Variants in PRR14L observed in about 807,000 individuals in gnomAD.
The protein encoded by PRR14L is protein PRR14L.
PRR14L carries 80 observed loss-of-function variants against 155.0 expected under a neutral mutation model. The ratio of observed to expected loss-of-function variants is 0.52; its 90% CI spans 0.43 to 0.62. The LOEUF (loss-of-function observed/expected upper bound fraction) is 0.62, where lower values mean the gene tolerates loss of function less well. PRR14L is among the 20% of genes least tolerant of loss of function. The pLI is 0.00. For synonymous variants in PRR14L, 883 were observed against 916.0 expected, an observed-to-expected ratio of 0.96 and a Z score of 0.65; for missense variants, 2,469 against 2,548.0, an observed-to-expected ratio of 0.97 and a Z score of 0.67.
intron 5 of PRR14L, among the ~76,000 whole-genome samples, 190 bp from the exon 6 acceptor site, chr22:31,703,911 C>T (rs910877838): frequency 3.3e-5 from 5 of 151,956 alleles, no homozygotes; most frequent in Admixed American, 2.0e-4. Flanking sequence ...AATTCTCCTG[C>T]CTCAGCCCCT....
At chr22:31,689,944 G>A (rs1415468460) in intron 7 of PRR14L, among the ~76,000 whole-genome samples, 1 of 150,196 alleles carries the variant, frequency 6.7e-6, no homozygotes, top group Non-Finnish European at 1.5e-5. Context: ...TTGAGATGGA[G>A]TCTTGCTCTG....
intron 3 of PRR14L, among the ~76,000 whole-genome samples, chr22:31,722,954 T>C (rs1259087560): frequency 1.3e-5 from 2 of 152,198 alleles, no homozygotes; most frequent in South Asian, 2.1e-4. Context: ...ATCAAATCCA[T>C]GGTGATGGCA....
At chr22:31,733,805 G>A (rs115381476) in intron 2 of PRR14L, among the ~76,000 whole-genome samples, 5 of 151,998 alleles carry the variant, frequency 3.3e-5, no homozygotes, top group African/African-American at 9.6e-5. Context: ...GTCAAAAAGC[G>A]ACACCCTTAA....
chr22:31,708,215 A>C lies in PRR14L; in HGVS notation c.5757-3489T>G, dbSNP rs16989409. 8.7e-3 allele frequency among the ~76,000 whole-genome samples: 1,322 copies of C among 152,236 alleles called. 18 individuals are homozygous for C. Among genetic ancestry groups the C allele is most frequent in the African/African-American group, 0.029 (1,209 of 41,554 alleles). ...ACTTGTAACAGCAATTCATCTTTCA[A>C]TTCTAGTCAGCAATGTTCATGTTCT... On this transcript the variant is annotated intron_variant, in intron 4 of 8. Coordinates refer to ENST00000327423, the MANE Select transcript of PRR14L (RefSeq NM_173566.3).
rs747588484 is a variant in PRR14L, at chr22:31,728,609, GA to G, written c.475-3000del. Among the ~76,000 whole-genome samples, 245 of 94,380 alleles carry G rather than the reference GA, an allele frequency of 2.6e-3. 1 individual carries two copies. In the East Asian group the frequency reaches 0.044, roughly 17 times the overall value. 61.9% of individuals were successfully genotyped at this position (94,380 alleles called of 152,430 possible). ...GCCTGGGTGACAGAGACTTCATCTC[GA>G]AAAAAAAAAAAAAACGTATACTACG... On this transcript the variant is annotated intron_variant, in intron 2 of 8. Coordinates refer to ENST00000327423, the MANE Select transcript of PRR14L (RefSeq NM_173566.3).
At chr22:31,733,924 A>C (rs369131960) in intron 2 of PRR14L, among the ~76,000 whole-genome samples, 3 of 151,636 alleles carry the variant, frequency 2.0e-5, no homozygotes, top group African/African-American at 7.3e-5. Context: ...ACACACACAT[A>C]CACCACACAA....
chr22:31,729,785 G>A (rs1270392493), intron 2 of PRR14L, among the ~76,000 whole-genome samples: 2 of 152,118 alleles, frequency 1.3e-5, no homozygotes, highest in African/African-American at 4.8e-5. Context: ...TATTTAATGC[G>A]TACTGAGTTT....
chr22:31,725,491 T>C (rs971329109), intron 3 of PRR14L, 47 bp downstream of exon 3: 3 of 1,237,146 alleles, frequency 2.4e-6, no homozygotes, highest in African/African-American at 3.0e-5. Context: ...ACTAAAACAG[T>C]ATTTGCAGTA....
At chr22:31,687,866 C>T (rs1172282902) in intron 8 of PRR14L, among the ~76,000 whole-genome samples, 1 of 151,272 alleles carries the variant, frequency 6.6e-6, no homozygotes, top group African/African-American at 2.4e-5. Flanking sequence ...CCTGTCTCTA[C>T]TAAAAATACA....
intron 4 of PRR14L, among the ~76,000 whole-genome samples, chr22:31,705,916 G>A (rs1235530561): frequency 6.6e-6 from 1 of 151,952 alleles, no homozygotes; most frequent in African/African-American, 2.4e-5. Context: ...CAGGAGAATC[G>A]CTTGAACCCG....
intron 7 of PRR14L, among the ~76,000 whole-genome samples, chr22:31,692,193 C>T (rs1242492501): frequency 2.6e-5 from 4 of 151,990 alleles, no homozygotes; most frequent in Non-Finnish European, 5.9e-5. Flanking sequence ...TGGGTATATA[C>T]CTAGAAGAAT....
At chr22:31,736,614 T>C (rs1197018582) in intron 2 of PRR14L, among the ~76,000 whole-genome samples, 1 of 151,988 alleles carries the variant, frequency 6.6e-6, no homozygotes, top group Non-Finnish European at 1.5e-5. Flanking sequence ...AGAGCAGGGG[T>C]TGGCAAACCA....
At chr22:31,725,351 C>T (rs1374071669) in intron 3 of PRR14L, among the ~76,000 whole-genome samples, 187 bp downstream of exon 3, 2 of 152,076 alleles carry the variant, frequency 1.3e-5, no homozygotes. Flanking sequence ...GGCTGCAGTG[C>T]ACTGTGCAAG....
At chr22:31,725,181 G>A (rs550897486) in intron 3 of PRR14L, among the ~76,000 whole-genome samples, 1 of 152,212 alleles carries the variant, frequency 6.6e-6, no homozygotes, top group East Asian at 1.9e-4. Flanking sequence ...GATCACTTGA[G>A]CCCAGGAGTT....
rs763783337 is a variant in PRR14L, at chr22:31,717,225, T to C, written c.614A>G (p.Asn205Ser). 25 of 1,551,832 alleles carry C rather than the reference T, an allele frequency of 1.6e-5. No individual in the cohort carries two copies. Among genetic ancestry groups the C allele is most frequent in the Non-Finnish European group, 2.0e-5 (23 of 1,147,034 alleles). Residue 205 changes from asparagine to serine, a missense_variant, in exon 4 of 9, where the codon AAT becomes AGT. By Grantham distance (46) the Asn-to-Ser change is conservative. Around this residue, in one of 2 missense-constraint regions of PRR14L, gnomAD observed 2,363 missense variants for 2,371.6 expected, o/e 1.00. Transcript: ENST00000327423. ...KSAEVQGMKV[N>S]GTKTDNNEGH... Reference sequence around the variant, plus strand: ...TTCATTATTATCCGTCTTAGTCCCATTGACCTTCATACCTTGTACTTCGGC... The same window carrying C: ...TTCATTATTATCCGTCTTAGTCCCACTGACCTTCATACCTTGTACTTCGGC...
rs1394703782 is a variant in PRR14L, at chr22:31,684,448, A to T, written c.*1079T>A. On this transcript the variant is annotated 3_prime_UTR_variant, in exon 9 of 9. Transcript: ENST00000327423. ...ATCACTGCCCAAGCCGTTGTACTCA[A>T]TTTTGTTACCTAACACCATTTCAGA... The T allele has an allele frequency of 6.6e-6, 1 of 152,220 alleles. No individual in the cohort carries two copies. The highest frequency in any genetic ancestry group is 2.4e-5 in the African/African-American group (1 of 41,444). The allele number at this position is 152,220 out of a possible 1,614,324, so 9.4% of individuals were successfully genotyped here.
chr22:31,719,363 G>C (rs2074678286), intron 3 of PRR14L, among the ~76,000 whole-genome samples: 1 of 151,562 alleles, frequency 6.6e-6, no homozygotes, highest in East Asian at 1.9e-4. Flanking sequence ...AATAAGCTGT[G>C]ATTGCACTAC....
intron 7 of PRR14L, among the ~76,000 whole-genome samples, chr22:31,690,141 T>C (rs561698748): frequency 6.6e-5 from 10 of 152,334 alleles, no homozygotes; most frequent in African/African-American, 1.9e-4. Context: ...GGTCTCGAAC[T>C]CCTGACCTCA....
At position 31,704,741 on chromosome 22, in the gene PRR14L, A is replaced by G; in HGVS notation, c.5757-15T>C. The G allele has an allele frequency of 6.2e-7, 1 of 1,610,410 alleles. No individual in the cohort carries two copies. The highest frequency in any genetic ancestry group is 8.5e-7 in the Non-Finnish European group (1 of 1,176,672). On this transcript the variant is annotated splice_polypyrimidine_tract_variant and intron_variant, in intron 4 of 8. Coordinates refer to ENST00000327423, the MANE Select transcript of PRR14L (RefSeq NM_173566.3). ...ACATGGTGTGGCTAAAGTAAAGCAA[A>G]AGTACAAAAGCAATAGGTAAGGGCA...
Sources: gnomAD v4.1 joint callset for allele counts (sites outside exome capture counted in the v4.1 genomes callset) on GRCh38, gnomAD v4.1.1 for gene constraint, gnomAD v4.1.1 regional missense constraint, MANE v1.5 for transcripts, NCBI Gene and HGNC (gene_info 2026-07-23, HGNC 2026-07-21) for gene names.